The following GALNT13 variants were observed in gnomAD, a reference collection of about 807,000 sequenced individuals.
GALNT13 encodes the protein UDP-GalNAc:polypeptide N-acetylgalactosaminyltransferase 13.
A neutral mutation model predicts 64.2 loss-of-function variants in GALNT13; 28 were observed. The observed-to-expected ratio is 0.44, with a 90% CI of 0.32 to 0.60. GALNT13 has a LOEUF of 0.60. Ranked by LOEUF, GALNT13 falls within the 20% of genes least tolerant of loss-of-function variation. GALNT13 has a pLI of 0.05. For missense variants in GALNT13, 577 were observed against 669.8 expected, an observed-to-expected ratio of 0.86 and a Z score of 1.53; for synonymous variants, 214 against 224.6, an observed-to-expected ratio of 0.95 and a Z score of 0.42.
chr2:153,717,794 C>T, the GALNT13 span, among the ~76,000 whole-genome samples: 4 of 151,990 alleles, frequency 2.6e-5, no homozygotes, highest in Admixed American at 1.3e-4. Flanking sequence ...TGGATTACTT[C>T]GAGTAAAAAT....
At chr2:153,906,655 T>C (rs1327223239) in intron 2 of GALNT13, among the ~76,000 whole-genome samples, 1 of 151,886 alleles carries the variant, frequency 6.6e-6, no homozygotes, top group African/African-American at 2.4e-5. Flanking sequence ...TTGTTGGACA[T>C]TTGGGTTGGT....
the GALNT13 span, among the ~76,000 whole-genome samples, chr2:153,687,316 A>G: frequency 6.6e-6 from 1 of 151,630 alleles, no homozygotes; most frequent in Non-Finnish European, 1.5e-5. Flanking sequence ...GCTCAGTTTC[A>G]GAGCTCGTTA....
At chr2:153,491,109 G>T in the GALNT13 span, among the ~76,000 whole-genome samples, 2 of 151,964 alleles carry the variant, frequency 1.3e-5, no homozygotes, top group Non-Finnish European at 2.9e-5. Context: ...CTAATTTGAT[G>T]TAATATGTGA....
At chr2:153,811,920 G>T in the GALNT13 span, among the ~76,000 whole-genome samples, 1 of 152,114 alleles carries the variant, frequency 6.6e-6, no homozygotes, top group African/African-American at 2.4e-5. Context: ...TTTAAATTGA[G>T]ATATAATAAA....
chr2:153,886,476 T>C (rs1687189477), intron 1 of GALNT13, among the ~76,000 whole-genome samples: 1 of 151,676 alleles, frequency 6.6e-6, no homozygotes, highest in Non-Finnish European at 1.5e-5. Flanking sequence ...GATGAGTTCA[T>C]GTCCTTTGTA....
intron 3 of GALNT13, among the ~76,000 whole-genome samples, chr2:154,104,038 G>A (rs769587513): frequency 6.6e-6 from 1 of 152,130 alleles, no homozygotes; most frequent in Non-Finnish European, 1.5e-5. Context: ...AGTTCATGGT[G>A]AGATGTGCTG....
the GALNT13 span, among the ~76,000 whole-genome samples, chr2:153,572,649 T>A: frequency 6.6e-6 from 1 of 152,000 alleles, no homozygotes; most frequent in Non-Finnish European, 1.5e-5. Context: ...GTGTCTATCA[T>A]CATTTGTTTC....
the GALNT13 span, among the ~76,000 whole-genome samples, chr2:153,649,417 T>G: frequency 6.6e-6 from 1 of 151,672 alleles, no homozygotes; most frequent in South Asian, 2.1e-4. Flanking sequence ...AAAAACCAGC[T>G]CCTGGATTCA....
At chr2:153,163,795 G>A in the GALNT13 span, among the ~76,000 whole-genome samples, 7 of 152,086 alleles carry the variant, frequency 4.6e-5, no homozygotes, top group African/African-American at 9.7e-5. Flanking sequence ...CAAGGCGGGC[G>A]GATCACGAGG....
the GALNT13 span, among the ~76,000 whole-genome samples, chr2:153,630,333 T>A: frequency 6.6e-6 from 1 of 151,724 alleles, no homozygotes; most frequent in Non-Finnish European, 1.5e-5. Context: ...AAATGATGAG[T>A]TCATGTCGTT....
the GALNT13 span, among the ~76,000 whole-genome samples, chr2:153,647,350 A>G: frequency 6.6e-6 from 1 of 152,228 alleles, no homozygotes; most frequent in Admixed American, 6.5e-5. Flanking sequence ...AGTTCATTGT[A>G]GATTCTGGAT....
At chr2:153,562,003 T>C in the GALNT13 span, among the ~76,000 whole-genome samples, 1 of 136,822 alleles carries the variant, frequency 7.3e-6, no homozygotes, top group East Asian at 2.3e-4. Flanking sequence ...CTTTTGCCCC[T>C]TTTCTTTACC....
chr2:153,313,034 A>G, the GALNT13 span, among the ~76,000 whole-genome samples: 1 of 152,194 alleles, frequency 6.6e-6, no homozygotes, highest in Admixed American at 6.5e-5. Context: ...TAAAATGTCA[A>G]AAAATAACAG....
the GALNT13 span, among the ~76,000 whole-genome samples, chr2:153,717,931 G>C: frequency 1.3e-5 from 2 of 151,608 alleles, no homozygotes; most frequent in Admixed American, 6.6e-5. Context: ...AAACCTAGTA[G>C]AGAAAATAAA....
the GALNT13 span, among the ~76,000 whole-genome samples, chr2:153,103,392 C>T: frequency 2.6e-5 from 4 of 152,320 alleles, no homozygotes; most frequent in African/African-American, 9.6e-5. Flanking sequence ...TGTGATGCCT[C>T]CAGAGACACC....
chr2:154,391,517 G>A (rs1189552269), intron 9 of GALNT13, among the ~76,000 whole-genome samples: 1 of 152,072 alleles, frequency 6.6e-6, no homozygotes, highest in Non-Finnish European at 1.5e-5. Context: ...TGGAAGAGTG[G>A]GGAAGGCAAT....
At chr2:153,673,362 G>A in the GALNT13 span, among the ~76,000 whole-genome samples, 3 of 152,110 alleles carry the variant, frequency 2.0e-5, no homozygotes, top group Admixed American at 6.5e-5. Flanking sequence ...TATCTACCAC[G>A]ATCAAGACAG....
At chr2:154,293,351 G>A (rs1018282594) in intron 8 of GALNT13, among the ~76,000 whole-genome samples, 2 of 152,066 alleles carry the variant, frequency 1.3e-5, no homozygotes, top group African/African-American at 4.8e-5. Flanking sequence ...CATAACTCCT[G>A]GACATTGATG....
At chr2:153,274,247 C>A in the GALNT13 span, among the ~76,000 whole-genome samples, 9 of 152,028 alleles carry the variant, frequency 5.9e-5, no homozygotes, top group Non-Finnish European at 8.8e-5. Context: ...TGCCTGCCTG[C>A]CGTTATTGGA....
Sources: gnomAD v4.1 joint callset for allele counts (sites outside exome capture counted in the v4.1 genomes callset) on GRCh38, gnomAD v4.1.1 for gene constraint, MANE v1.5 for transcripts, NCBI Gene and HGNC (gene_info 2026-07-23, HGNC 2026-07-21) for gene names.